TAF3: variants seen among roughly 807,000 people sequenced by gnomAD.
The protein encoded by TAF3 is TATA-box binding protein associated factor 3.
TAF3 carries 7 observed loss-of-function variants against 80.6 expected under a neutral mutation model. The ratio of observed to expected loss-of-function variants is 0.09; its 90% CI spans 0.05 to 0.16. The LOEUF (loss-of-function observed/expected upper bound fraction) is 0.16. Ranked by LOEUF, TAF3 falls within the 10% of genes least tolerant of loss-of-function variation. The pLI, the probability that TAF3 is intolerant of heterozygous loss-of-function variation, is 1.00. For missense variants in TAF3, 921 were observed against 1,140.2 expected, an observed-to-expected ratio of 0.81 and a Z score of 2.77; for synonymous variants, 444 against 446.1, an observed-to-expected ratio of 1.00 and a Z score of 0.06.
chr10:7,889,783 G>A (rs538469067), intron 2 of TAF3, among the ~76,000 whole-genome samples: 3 of 152,208 alleles, frequency 2.0e-5, no homozygotes, highest in Non-Finnish European at 2.9e-5. Context: ...AGCCTGGGTG[G>A]CCTCTTAATT....
At chr10:7,972,398 GT>G (rs1189931770) in intron 3 of TAF3, among the ~76,000 whole-genome samples, 11 of 152,090 alleles carry the variant, frequency 7.2e-5, no homozygotes, top group Non-Finnish European at 1.5e-5. Flanking sequence ...AATTTAACTT[GT>G]TTTTAGGAAT....
chr10:7,871,141 T>G (rs1837261290), intron 2 of TAF3, among the ~76,000 whole-genome samples: 1 of 152,138 alleles, frequency 6.6e-6, no homozygotes, highest in Non-Finnish European at 1.5e-5. Context: ...CTTAAAAGTT[T>G]CCTATCATAC....
chr10:7,998,241 C>CTATA (rs59519247), intron 4 of TAF3, among the ~76,000 whole-genome samples: 15 of 134,428 alleles, frequency 1.1e-4, no homozygotes, highest in African/African-American at 3.6e-4. Context: ...TGAGTGAGAA[C>CTATA]TATATATATA....
chr10:7,915,239 C>T (rs1189549040), intron 2 of TAF3, among the ~76,000 whole-genome samples: 1 of 151,770 alleles, frequency 6.6e-6, no homozygotes, highest in Non-Finnish European at 1.5e-5. Flanking sequence ...GCCACTGCGC[C>T]TGGCCGCTCC....
chr10:7,832,073 T>C (rs1339084226), intron 2 of TAF3, among the ~76,000 whole-genome samples: 2 of 152,172 alleles, frequency 1.3e-5, no homozygotes, highest in Non-Finnish European at 2.9e-5. Context: ...CTTAATGATT[T>C]TCAAATGTGT....
At chr10:7,990,928 G>A (rs899512051) in intron 4 of TAF3, among the ~76,000 whole-genome samples, 4 of 152,202 alleles carry the variant, frequency 2.6e-5, no homozygotes, top group African/African-American at 4.8e-5. Flanking sequence ...GCCCCTCTCC[G>A]TAGTCCTAGA....
intron 2 of TAF3, among the ~76,000 whole-genome samples, chr10:7,905,283 C>T (rs1192226177): frequency 6.6e-6 from 1 of 152,138 alleles, no homozygotes; most frequent in Admixed American, 6.5e-5. Context: ...GCTGCCTTGA[C>T]TATAAATAGC....
intron 2 of TAF3, among the ~76,000 whole-genome samples, chr10:7,865,189 C>T (rs1025783336): frequency 5.3e-5 from 8 of 152,030 alleles, no homozygotes; most frequent in South Asian, 2.1e-4. Flanking sequence ...AAGTAGGGGC[C>T]GGGCATGGTG....
At chr10:7,932,529 G>T (rs1650355808) in intron 2 of TAF3, among the ~76,000 whole-genome samples, 1 of 152,176 alleles carries the variant, frequency 6.6e-6, no homozygotes, top group Non-Finnish European at 1.5e-5. Flanking sequence ...TTTTAAATGA[G>T]TAACCAGAAT....
chr10:8,014,560 A>G (rs890879656), intron 6 of TAF3, 77 bp from the exon 7 acceptor site: 38 of 1,307,658 alleles, frequency 2.9e-5, no homozygotes, highest in Non-Finnish European at 3.9e-5. Context: ...ACTCTAAAAA[A>G]TTACTTTAAA....
chr10:7,852,107 C>T (rs560996003), intron 2 of TAF3, among the ~76,000 whole-genome samples: 23 of 152,152 alleles, frequency 1.5e-4, no homozygotes, highest in African/African-American at 5.3e-4. Flanking sequence ...CTCCCAGAGA[C>T]GGGGTCTCAC....
intron 2 of TAF3, among the ~76,000 whole-genome samples, chr10:7,895,382 G>A (rs376121857): frequency 1.2e-3 from 182 of 152,278 alleles, no homozygotes; most frequent in African/African-American, 4.2e-3. Flanking sequence ...CTCTTCTGAA[G>A]CCAGCAGACA....
At chr10:8,002,338 T>C (rs1831952741) in intron 4 of TAF3, among the ~76,000 whole-genome samples, 1 of 151,818 alleles carries the variant, frequency 6.6e-6, no homozygotes, top group Non-Finnish European at 1.5e-5. Flanking sequence ...TCGTAAAGCA[T>C]ATTATTATGC....
intron 2 of TAF3, among the ~76,000 whole-genome samples, chr10:7,859,718 A>C (rs1482797586): frequency 6.6e-6 from 1 of 152,030 alleles, no homozygotes. Flanking sequence ...TTACTCATTT[A>C]GTTTGTTTTC....
intron 2 of TAF3, among the ~76,000 whole-genome samples, chr10:7,942,509 T>C (rs912013648): frequency 6.6e-6 from 1 of 152,240 alleles, no homozygotes; most frequent in African/African-American, 2.4e-5. Context: ...TCTTGCTGAT[T>C]TACCCATAAA....
intron 2 of TAF3, among the ~76,000 whole-genome samples, chr10:7,838,908 G>GTTTTTTTTTTTTTTTTTTTT (rs71505463): frequency 1.1e-4 from 11 of 101,836 alleles, no homozygotes; most frequent in Non-Finnish European, 1.4e-4. Context: ...GGCATTGCTT[G>GTTTTTTTTTTTTTTTTTTTT]TTTTTTTTTT....
intron 2 of TAF3, among the ~76,000 whole-genome samples, chr10:7,944,590 G>A (rs931504128): frequency 1.3e-5 from 2 of 152,120 alleles, no homozygotes; most frequent in African/African-American, 4.8e-5. Context: ...AACAATTAGT[G>A]CATCTTTCAA....
chr10:7,983,784 A>G (rs1831750672), intron 4 of TAF3, among the ~76,000 whole-genome samples: 2 of 152,106 alleles, frequency 1.3e-5, no homozygotes, highest in Admixed American at 1.3e-4. Flanking sequence ...GGCTACAGTG[A>G]GCTGTCATTG....
At chr10:7,841,958 A>T (rs372962729) in intron 2 of TAF3, among the ~76,000 whole-genome samples, 1 of 152,198 alleles carries the variant, frequency 6.6e-6, no homozygotes, top group East Asian at 1.9e-4. Context: ...TTGGTTGCTT[A>T]TGTTAAGGGC....
Sources: allele counts gnomAD v4.1 joint callset (sites outside exome capture counted in the v4.1 genomes callset), GRCh38; gene constraint gnomAD v4.1.1; transcripts MANE v1.5; gene names NCBI Gene and HGNC (gene_info 2026-07-23, HGNC 2026-07-21).